The following KCNIP4 variants were observed in gnomAD, a reference collection of about 807,000 sequenced individuals.
The protein encoded by KCNIP4 is Kv channel-interacting protein 4.
KCNIP4 carries 12 observed loss-of-function variants against 34.0 expected under a neutral mutation model. The observed-to-expected ratio is 0.35, with a 90% CI of 0.23 to 0.57. The LOEUF is 0.57. KCNIP4 is among the 20% of genes least tolerant of loss of function. The pLI is 0.83. For missense variants in KCNIP4, 238 were observed against 311.7 expected (o/e 0.76, Z 1.78); for synonymous variants, 124 against 102.2 (o/e 1.21, Z -1.29).
chr4:20,910,695 C>G (rs1214068694), intron 1 of KCNIP4, among the ~76,000 whole-genome samples: 1 of 152,114 alleles, frequency 6.6e-6, no homozygotes, highest in East Asian at 1.9e-4. Flanking sequence ...AATGTCTTAC[C>G]AAGGTTATCC....
chr4:21,364,449 A>T (rs1282149244), intron 1 of KCNIP4, among the ~76,000 whole-genome samples: 1 of 152,134 alleles, frequency 6.6e-6, no homozygotes, highest in Admixed American at 6.6e-5. Flanking sequence ...TTTTGAGAAA[A>T]CAAATTTGGG....
intron 1 of KCNIP4, among the ~76,000 whole-genome samples, chr4:21,074,237 G>A (rs1270546566): frequency 1.3e-5 from 2 of 152,102 alleles, no homozygotes; most frequent in Non-Finnish European, 2.9e-5. Context: ...TGTACCTCTG[G>A]TAGAAATCGG....
chr4:21,453,336 T>A (rs1728667794), intron 1 of KCNIP4, among the ~76,000 whole-genome samples: 1 of 152,062 alleles, frequency 6.6e-6, no homozygotes. Context: ...AGGTAGAAGG[T>A]CTTGTACCTA....
intron 3 of KCNIP4, among the ~76,000 whole-genome samples, chr4:20,765,684 G>A (rs758245487): frequency 1.3e-5 from 2 of 152,148 alleles, no homozygotes; most frequent in Non-Finnish European, 2.9e-5. Context: ...CTGCTGGCTG[G>A]TATACTTATC....
intron 1 of KCNIP4, among the ~76,000 whole-genome samples, chr4:21,599,469 T>A (rs1191802850): frequency 2.5e-5 from 2 of 78,854 alleles, no homozygotes; most frequent in African/African-American, 1.2e-4. Flanking sequence ...AAGAAAAAAA[T>A]GATAACTACC....
intron 1 of KCNIP4, among the ~76,000 whole-genome samples, chr4:21,380,697 T>C (rs373584338): frequency 6.6e-6 from 1 of 152,114 alleles, no homozygotes; most frequent in Non-Finnish European, 1.5e-5. Context: ...GCCATAATCA[T>C]ATTTTTGGCT....
At chr4:20,962,797 A>G (rs569606490) in intron 1 of KCNIP4, among the ~76,000 whole-genome samples, 1 of 152,356 alleles carries the variant, frequency 6.6e-6, no homozygotes, top group South Asian at 2.1e-4. Flanking sequence ...CTCAGTGACA[A>G]TCTCAGCTTT....
chr4:21,416,902 G>A (rs1724995719), intron 1 of KCNIP4, among the ~76,000 whole-genome samples: 1 of 152,172 alleles, frequency 6.6e-6, no homozygotes, highest in African/African-American at 2.4e-5. Flanking sequence ...TGATGCCAAG[G>A]TTATTACTTT....
At chr4:21,346,925 A>C (rs927863176) in intron 1 of KCNIP4, among the ~76,000 whole-genome samples, 1 of 152,204 alleles carries the variant, frequency 6.6e-6, no homozygotes, top group Non-Finnish European at 1.5e-5. Context: ...CATGATATTT[A>C]ATAGTGAAAT....
chr4:21,818,098 T>G (rs1292782034), intron 1 of KCNIP4, among the ~76,000 whole-genome samples: 3 of 152,190 alleles, frequency 2.0e-5, no homozygotes, highest in African/African-American at 7.2e-5. Flanking sequence ...GTTTTGAGGC[T>G]CAGGCAGGCA....
intron 1 of KCNIP4, among the ~76,000 whole-genome samples, chr4:21,500,708 C>A (rs1339802428): frequency 6.6e-6 from 1 of 152,004 alleles, no homozygotes; most frequent in African/African-American, 2.4e-5. Flanking sequence ...GTCATAAATT[C>A]TATGTAAAAC....
intron 1 of KCNIP4, among the ~76,000 whole-genome samples, chr4:21,347,409 C>T (rs80289898): frequency 1.3e-5 from 2 of 152,198 alleles, no homozygotes; most frequent in Admixed American, 1.3e-4. Context: ...CTGGGAATTA[C>T]TCTGTCTGCT....
chr4:21,831,742 C>G (rs1045880070), intron 1 of KCNIP4, among the ~76,000 whole-genome samples: 14 of 148,354 alleles, frequency 9.4e-5, no homozygotes, highest in Non-Finnish European at 1.8e-4. Context: ...AGAATTCACA[C>G]TAGTTCCTCT....
chr4:21,183,469 G>GC (rs371888140), intron 1 of KCNIP4, among the ~76,000 whole-genome samples: 1 of 128,308 alleles, frequency 7.8e-6, no homozygotes, highest in East Asian at 2.3e-4. Flanking sequence ...TGTTGTTTTT[G>GC]TTTTTTTTTT....
At chr4:20,839,112 A>G (rs1033059274) in intron 3 of KCNIP4, among the ~76,000 whole-genome samples, 1 of 152,164 alleles carries the variant, frequency 6.6e-6, no homozygotes, top group African/African-American at 2.4e-5. Context: ...AACTCTTTGT[A>G]GGGCTAAGAA....
intron 1 of KCNIP4, among the ~76,000 whole-genome samples, chr4:21,552,323 A>G (rs1054507992): frequency 1.3e-5 from 2 of 152,164 alleles, no homozygotes; most frequent in African/African-American, 4.8e-5. Context: ...TAAAGATGCT[A>G]CTGGATACAA....
At chr4:21,390,665 T>C (rs1320544131) in intron 1 of KCNIP4, among the ~76,000 whole-genome samples, 2 of 152,194 alleles carry the variant, frequency 1.3e-5, no homozygotes, top group East Asian at 3.9e-4. Context: ...GGTCTATATA[T>C]CTGTTTTGGT....
intron 1 of KCNIP4, among the ~76,000 whole-genome samples, chr4:21,804,212 C>A (rs1416213558): frequency 6.6e-6 from 1 of 152,188 alleles, no homozygotes; most frequent in Non-Finnish European, 1.5e-5. Flanking sequence ...AAGGACAATG[C>A]AAGGCTAAAA....
chr4:21,044,240 C>T (rs80233236), intron 1 of KCNIP4, among the ~76,000 whole-genome samples: 4,193 of 152,110 alleles, frequency 0.028, 164 homozygotes, highest in African/African-American at 0.095. Context: ...GTAGATTGTC[C>T]TATGGACTCT....
Sources: gnomAD v4.1 joint callset for allele counts (sites outside exome capture counted in the v4.1 genomes callset) on GRCh38, gnomAD v4.1.1 for gene constraint, MANE v1.5 for transcripts, NCBI Gene and HGNC (gene_info 2026-07-23, HGNC 2026-07-21) for gene names.